Variants in FHIT observed in about 807,000 individuals in gnomAD.
FHIT encodes the protein bis(5'-adenosyl)-triphosphatase.
In FHIT, 19 loss-of-function variants were observed where a neutral mutation model predicts 17.9. The observed-to-expected ratio is 1.06, with a 90% CI of 0.74 to 1.56. The LOEUF is 1.56. Ranked by LOEUF, FHIT falls within the 40% of genes most tolerant of loss-of-function variation. The probability of loss-of-function intolerance (pLI) is 0.00; values close to 1 mark genes in which losing one functional copy is unlikely to be tolerated. For synonymous variants in FHIT, 81 were observed against 69.7 expected, an observed-to-expected ratio of 1.16 and a Z score of -0.81; for missense variants, 248 against 189.2, an observed-to-expected ratio of 1.31 and a Z score of -1.82.
chr3:60,998,816 T>C (rs1031301914), intron 3 of FHIT, among the ~76,000 whole-genome samples: 7 of 152,030 alleles, frequency 4.6e-5, no homozygotes, highest in African/African-American at 7.2e-5. Flanking sequence ...AACACCTTCA[T>C]AGTAACTTTT....
chr3:60,138,643 G>C (rs989153994), intron 5 of FHIT, among the ~76,000 whole-genome samples: 1 of 152,082 alleles, frequency 6.6e-6, no homozygotes, highest in African/African-American at 2.4e-5. Context: ...TAGAGACTGA[G>C]TCTCAGTAGA....
intron 5 of FHIT, among the ~76,000 whole-genome samples, chr3:60,046,307 A>T (rs769393599): frequency 1.3e-5 from 2 of 152,176 alleles, no homozygotes; most frequent in Non-Finnish European, 2.9e-5. Context: ...TGTTCAATAA[A>T]CAGGTGGATT....
At chr3:60,572,357 T>C (rs1333817179) in intron 4 of FHIT, among the ~76,000 whole-genome samples, 1 of 152,150 alleles carries the variant, frequency 6.6e-6, no homozygotes, top group Non-Finnish European at 1.5e-5. Context: ...AAGCTGAGCA[T>C]GTGTAGGTTA....
chr3:60,937,087 C>T (rs1271180158), intron 3 of FHIT, among the ~76,000 whole-genome samples: 1 of 152,156 alleles, frequency 6.6e-6, no homozygotes, highest in Non-Finnish European at 1.5e-5. Flanking sequence ...TCTTGAAATA[C>T]AAAGACTCTC....
At chr3:60,284,150 C>A (rs140914036) in intron 5 of FHIT, among the ~76,000 whole-genome samples, 64 of 152,100 alleles carry the variant, frequency 4.2e-4, no homozygotes, top group African/African-American at 1.2e-3. Context: ...GTCTGAAGAG[C>A]AAACTGAAAA....
chr3:60,250,676 T>C (rs879350151), intron 5 of FHIT, among the ~76,000 whole-genome samples: 2 of 152,208 alleles, frequency 1.3e-5, no homozygotes, highest in Admixed American at 1.3e-4. Flanking sequence ...CCTGTTGTAA[T>C]TAAGTAATCT....
chr3:60,595,329 C>G (rs1232274167), intron 4 of FHIT, among the ~76,000 whole-genome samples: 3 of 150,342 alleles, frequency 2.0e-5, no homozygotes, highest in Non-Finnish European at 3.0e-5. Context: ...CATCAGTAGG[C>G]AGAAGGCAAT....
Position 60,363,105 on chromosome 3 carries a change from A to G in FHIT, c.103+173755T>C, listed in dbSNP as rs145963122. The stretch of plus-strand genomic sequence containing the variant: ...AGGGAAGAAAAAGGCAGTATGCAAC[A>G]AAGAGTTGGGTATCAAAAAATAAAA... On this transcript the variant is annotated intron_variant, in intron 5 of 9. Transcript: ENST00000492590. 6.2e-3 allele frequency among the ~76,000 whole-genome samples: 943 copies of G among 152,298 alleles called. 16 individuals carry two copies. Among genetic ancestry groups the G allele is most frequent in the African/African-American group, 0.021 (885 of 41,562 alleles).
intron 5 of FHIT, among the ~76,000 whole-genome samples, chr3:60,121,598 C>T (rs752930767): frequency 1.6e-4 from 25 of 152,004 alleles, no homozygotes; most frequent in Non-Finnish European, 3.5e-4. Context: ...GCAGGAAAAT[C>T]CCTTGAACCA....
chr3:60,246,751 T>C (rs779139502), intron 5 of FHIT, among the ~76,000 whole-genome samples: 51 of 152,164 alleles, frequency 3.4e-4, no homozygotes, highest in Admixed American at 9.8e-4. Flanking sequence ...CAATTACAAA[T>C]TATTGACCTT....
rs548810464 is a variant in FHIT, at chr3:59,783,679, G to T, written c.349-31358C>A. 3.5e-4 allele frequency among the ~76,000 whole-genome samples: 53 copies of T among 152,224 alleles called. No homozygotes were observed. The South Asian group carries it at 0.01, about 29-fold the overall frequency. Reference sequence around the variant, plus strand: ...CCTGTGCATTGTAGGGTGTTTGGCAGCATCCTTGGTCTCCACCCACTTGAT... The same window carrying T: ...CCTGTGCATTGTAGGGTGTTTGGCATCATCCTTGGTCTCCACCCACTTGAT... On this transcript the variant is annotated intron_variant, in intron 8 of 9. Coordinates refer to ENST00000492590, the MANE Select transcript of FHIT (RefSeq NM_002012.4).
At chr3:60,908,900 C>T (rs1706574514) in intron 3 of FHIT, among the ~76,000 whole-genome samples, 2 of 152,104 alleles carry the variant, frequency 1.3e-5, no homozygotes, top group Non-Finnish European at 2.9e-5. Context: ...CTTTGAGAGA[C>T]ACAAAAATGA....
intron 4 of FHIT, among the ~76,000 whole-genome samples, chr3:60,598,921 C>G (rs1044342747): frequency 2.0e-5 from 3 of 152,188 alleles, no homozygotes; most frequent in Non-Finnish European, 4.4e-5. Flanking sequence ...AGTGTTCTAG[C>G]AATGCCAAAT....
intron 7 of FHIT, among the ~76,000 whole-genome samples, chr3:59,990,619 G>C (rs1355823607): frequency 6.6e-6 from 1 of 151,880 alleles, no homozygotes; most frequent in Non-Finnish European, 1.5e-5. Context: ...GATAACTCTT[G>C]GCTAGTATTC....
chr3:60,193,781 A>G (rs1242094635), intron 5 of FHIT, among the ~76,000 whole-genome samples: 2 of 152,126 alleles, frequency 1.3e-5, no homozygotes, highest in Non-Finnish European at 2.9e-5. Context: ...GATATGTCCA[A>G]TGTCAGGGGC....
rs142431359 is a variant in FHIT at position 60,323,189 on chromosome 3, G to C, written c.103+213671C>G. Among the ~76,000 whole-genome samples, 903 of 152,074 alleles carry C rather than the reference G, an allele frequency of 5.9e-3. 8 individuals are homozygous for C. The highest frequency in any genetic ancestry group is 0.021 in the African/African-American group (858 of 41,478). ...GCCCAAAGTACCTCCTCCCTCAAGGGGACGCAGGGCTCCCAGGACACCACC... is the reference window on the plus strand; with the variant it reads ...GCCCAAAGTACCTCCTCCCTCAAGGCGACGCAGGGCTCCCAGGACACCACC... On this transcript the variant is annotated intron_variant, in intron 5 of 9. Coordinates refer to ENST00000492590, the MANE Select transcript of FHIT (RefSeq NM_002012.4).
chr3:60,730,571 G>T (rs2042006447), intron 4 of FHIT: 1 of 159,386 alleles, frequency 6.3e-6, no homozygotes, highest in Non-Finnish European at 1.4e-5. Flanking sequence ...GTGCGTGGAT[G>T]CTGATGAAAT....
At chr3:60,109,072 C>A (rs1241789479) in intron 5 of FHIT, among the ~76,000 whole-genome samples, 1 of 152,020 alleles carries the variant, frequency 6.6e-6, no homozygotes, top group Non-Finnish European at 1.5e-5. Flanking sequence ...AGCTTCCTAA[C>A]TAAAAGAGCC....
intron 5 of FHIT, among the ~76,000 whole-genome samples, chr3:60,501,009 T>C (rs559411543): frequency 1.3e-5 from 2 of 152,174 alleles, no homozygotes; most frequent in Middle Eastern, 3.4e-3. Context: ...AAAACCTCAA[T>C]TGCTTTTCCA....
Sources: allele counts gnomAD v4.1 joint callset (sites outside exome capture counted in the v4.1 genomes callset), GRCh38; gene constraint gnomAD v4.1.1; transcripts MANE v1.5; gene names NCBI Gene and HGNC (gene_info 2026-07-23, HGNC 2026-07-21).